Variants in CHM observed in about 807,000 individuals in gnomAD.
The protein encoded by CHM is CHM Rab escort protein.
Under a neutral mutation model 49.0 loss-of-function variants are expected in CHM, and 10 were observed. The observed-to-expected ratio is 0.20, with a 90% CI of 0.13 to 0.35. The LOEUF is 0.35. Ranked by LOEUF, CHM falls within the 10% of genes least tolerant of loss-of-function variation. CHM has a pLI of 1.00. For missense variants in CHM, 455 were observed against 478.4 expected (o/e 0.95, Z 0.46); for synonymous variants, 184 against 167.5 (o/e 1.10, Z -0.76).
intron 8 of CHM, among the ~76,000 whole-genome samples, chrX:85,940,146 G>A (rs978394149): frequency 2.2e-4 from 24 of 111,219 alleles, no homozygotes; most frequent in African/African-American, 7.2e-4. Context: ...AGCAAAGGGG[G>A]AAGTGCTACA....
At position 85,926,122 on chromosome X, in the gene CHM, TA is replaced by T. The variant is rs564012881; in HGVS notation, c.1167-14785del. The stretch of plus-strand genomic sequence containing the variant: ...ACTCTTAAATCATTTATAAAAATGT[TA>T]AAAAAAAAACACAAAAAACTAAACA... On this transcript the variant is annotated intron_variant, in intron 8 of 14. Transcript: ENST00000357749. Among the ~76,000 whole-genome samples, 301 of 106,173 alleles carry T rather than the reference TA, an allele frequency of 2.8e-3. 3 individuals are homozygous for T. Among genetic ancestry groups the T allele is most frequent in the African/African-American group, 8.1e-3 (238 of 29,381 alleles). The allele number at this position is 106,173 out of a possible 115,157, so 92.2% of individuals were successfully genotyped here. A position where few individuals can be genotyped will look rare whatever the true frequency, so the allele number is the denominator to read the frequency against.
intron 3 of CHM, among the ~76,000 whole-genome samples, chrX:85,981,221 GAC>G (rs1931583039): frequency 1.3e-4 from 7 of 51,906 alleles, no homozygotes; most frequent in Non-Finnish European, 1.4e-4. Context: ...TATATATATA[GAC>G]ACACATATTT....
rs769235873 is a variant in CHM, at chrX:85,918,081, T to C, written c.1167-6743A>G. 7.5e-4 allele frequency among the ~76,000 whole-genome samples: 83 copies of C among 111,180 alleles called. 1 individual carries two copies. Among genetic ancestry groups the C allele is most frequent in the African/African-American group, 2.7e-3 (81 of 30,548 alleles). ...TTCCAAGAACCCCTGTGAGATAGTA[T>C]GCAAGATGACAATCCCCAAAACACA... On this transcript the variant is annotated intron_variant, in intron 8 of 14. Coordinates refer to ENST00000357749, the MANE Select transcript of CHM (RefSeq NM_000390.4).
At chrX:85,919,650 T>C (rs998768663) in intron 8 of CHM, among the ~76,000 whole-genome samples, 2 of 111,841 alleles carry the variant, frequency 1.8e-5, no homozygotes, top group Admixed American at 9.5e-5. Context: ...TGATGGGAAA[T>C]ATTATAGAAG....
intron 3 of CHM, among the ~76,000 whole-genome samples, chrX:85,979,269 T>C (rs1353535617): frequency 6.3e-5 from 7 of 110,331 alleles, no homozygotes; most frequent in Non-Finnish European, 7.6e-5. Context: ...AAACAGGGCC[T>C]TTTTTTTAAC....
chrX:86,007,736 T>C (rs951840426), intron 2 of CHM, among the ~76,000 whole-genome samples: 1 of 111,988 alleles, frequency 8.9e-6, no homozygotes, highest in African/African-American at 3.2e-5. Flanking sequence ...AGAATGGCAA[T>C]CATTAAAAAG....
intron 4 of CHM, among the ~76,000 whole-genome samples, chrX:85,975,285 T>G (rs1468363558): frequency 8.9e-6 from 1 of 112,170 alleles, no homozygotes; most frequent in Non-Finnish European, 1.9e-5. Context: ...AATTATACAC[T>G]TGGGTATTTA....
chrX:86,011,664 T>C lies in CHM; in HGVS notation c.116+15827A>G, dbSNP rs73506473. ...GAAGCTATGAATATATTATCTTATATGGCAAAAAGGATTTTGTTAATGCAA... is the reference window on the plus strand; with the variant it reads ...GAAGCTATGAATATATTATCTTATACGGCAAAAAGGATTTTGTTAATGCAA... On this transcript the variant is annotated intron_variant, in intron 2 of 14. Coordinates refer to ENST00000357749, the MANE Select transcript of CHM (RefSeq NM_000390.4). Among the ~76,000 whole-genome samples, 978 of 111,835 alleles carry C rather than the reference T, an allele frequency of 8.7e-3. 10 individuals are homozygous for C. Among genetic ancestry groups the C allele is most frequent in the African/African-American group, 0.03 (919 of 30,788 alleles).
chrX:86,037,203 G>A (rs1285068671), intron 1 of CHM, among the ~76,000 whole-genome samples: 1 of 92,477 alleles, frequency 1.1e-5, no homozygotes. Context: ...TGCAACCTCC[G>A]CCTCCCGGGT....
At chrX:85,990,101 A>G (rs1014621256) in intron 2 of CHM, among the ~76,000 whole-genome samples, 3 of 112,483 alleles carry the variant, frequency 2.7e-5, no homozygotes, top group South Asian at 3.7e-4. Flanking sequence ...ATGTGCATCA[A>G]TGACGGACTG....
At chrX:85,867,950 C>T (rs1314974310) in intron 14 of CHM, among the ~76,000 whole-genome samples, 2 of 111,276 alleles carry the variant, frequency 1.8e-5, no homozygotes, top group Non-Finnish European at 3.8e-5. Flanking sequence ...TGTACAAGGT[C>T]ACTTGATATA....
chrX:85,931,538 G>A (rs752981108), intron 8 of CHM, among the ~76,000 whole-genome samples: 1 of 111,349 alleles, frequency 9.0e-6, no homozygotes, highest in South Asian at 3.8e-4. Context: ...TTGTCAATAA[G>A]CCAAATTCCA....
At chrX:85,898,565 C>G (rs932974143) in intron 11 of CHM, among the ~76,000 whole-genome samples, 1 of 112,292 alleles carries the variant, frequency 8.9e-6, no homozygotes, top group Non-Finnish European at 1.9e-5. Flanking sequence ...GTTCCTCTCT[C>G]TTACTCTTCA....
intron 2 of CHM, among the ~76,000 whole-genome samples, chrX:86,003,400 G>A (rs1326096851): frequency 2.7e-5 from 3 of 112,336 alleles, no homozygotes; most frequent in Admixed American, 1.9e-4. Context: ...AAAGCTGGAC[G>A]GAGAATGATT....
intron 8 of CHM, among the ~76,000 whole-genome samples, chrX:85,934,048 T>G (rs1160927341): frequency 9.3e-6 from 1 of 107,843 alleles, no homozygotes; most frequent in Admixed American, 1.0e-4. Context: ...TAGCGCAATC[T>G]CGGCTCACTG....
chrX:85,945,697 G>T (rs752626095), intron 8 of CHM, among the ~76,000 whole-genome samples: 2 of 109,868 alleles, frequency 1.8e-5, no homozygotes, highest in Non-Finnish European at 3.8e-5. Flanking sequence ...AGAGGAATGG[G>T]GCATTGCTAT....
At chrX:86,013,152 C>T (rs1489238493) in intron 2 of CHM, among the ~76,000 whole-genome samples, 1 of 111,477 alleles carries the variant, frequency 9.0e-6, no homozygotes, top group Non-Finnish European at 1.9e-5. Context: ...ACCTGGAGTC[C>T]CCTTTCCTCT....
At chrX:86,002,767 G>C (rs1056251429) in intron 2 of CHM, among the ~76,000 whole-genome samples, 5 of 112,665 alleles carry the variant, frequency 4.4e-5, no homozygotes, top group African/African-American at 1.6e-4. Flanking sequence ...CCACAACTCA[G>C]CAAGGCCTAC....
chrX:85,866,106 G>A (rs190398073), intron 14 of CHM, among the ~76,000 whole-genome samples: 13 of 112,851 alleles, frequency 1.2e-4, no homozygotes, highest in Admixed American at 2.8e-4. Flanking sequence ...TGAGCCAAAT[G>A]TCAATAGACA....
Sources: allele counts gnomAD v4.1 joint callset (sites outside exome capture counted in the v4.1 genomes callset), GRCh38; gene constraint gnomAD v4.1.1; transcripts MANE v1.5; gene names NCBI Gene and HGNC (gene_info 2026-07-23, HGNC 2026-07-21).